The following PACRG variants were observed in gnomAD, a reference collection of about 807,000 sequenced individuals.
The protein encoded by PACRG is parkin coregulated, also known as parkin coregulated gene protein.
A neutral mutation model predicts 29.7 loss-of-function variants in PACRG; 29 were observed. The observed-to-expected ratio is 0.98, with a 90% CI of 0.73 to 1.33. The LOEUF (loss-of-function observed/expected upper bound fraction) is 1.33, where lower values mean the gene tolerates loss of function less well. PACRG is among the 40% of genes most tolerant of loss of function. The pLI, the probability that PACRG is intolerant of heterozygous loss-of-function variation, is 0.00. For synonymous variants in PACRG, 116 were observed against 118.7 expected, an observed-to-expected ratio of 0.98 and a Z score of 0.15; for missense variants, 279 against 316.2, an observed-to-expected ratio of 0.88 and a Z score of 0.89.
At chr6:163,079,890 C>CTTTTTTTTTTTTTTTTTTTTT in intron 3 of PACRG, among the ~76,000 whole-genome samples, 1 of 78,678 alleles carries the variant, frequency 1.3e-5, no homozygotes, top group Non-Finnish European at 2.2e-5. Context: ...AGCAGTCATT[C>CTTTTTTTTTTTTTTTTTTTTT]TTTTTTTTTT....
At chr6:163,220,091 GC>G (rs1442509424) in intron 4 of PACRG, among the ~76,000 whole-genome samples, 2 of 152,140 alleles carry the variant, frequency 1.3e-5, no homozygotes, top group African/African-American at 2.4e-5. Context: ...AAGCAAGGAT[GC>G]CGTCTTTTCA....
chr6:163,160,825 T>A (rs75073416), intron 4 of PACRG, among the ~76,000 whole-genome samples: 10,336 of 152,224 alleles, frequency 0.068, 485 homozygotes, highest in Middle Eastern at 0.1. Flanking sequence ...CAAAACCCTC[T>A]CTTCTTGGAG....
chr6:163,205,313 CTA>C (rs1469919338), intron 4 of PACRG, among the ~76,000 whole-genome samples: 1 of 152,150 alleles, frequency 6.6e-6, no homozygotes, highest in Non-Finnish European at 1.5e-5. Context: ...CAACTTCAAA[CTA>C]TATGACAAGG....
intron 2 of PACRG, among the ~76,000 whole-genome samples, chr6:162,831,491 C>A (rs1289951684): frequency 1.3e-5 from 2 of 152,072 alleles, no homozygotes; most frequent in Non-Finnish European, 2.9e-5. Flanking sequence ...TATTTTGTTT[C>A]TTTGATTAAA....
chr6:163,307,474 C>T (rs1052189545), intron 4 of PACRG, among the ~76,000 whole-genome samples: 11 of 152,286 alleles, frequency 7.2e-5, no homozygotes, highest in East Asian at 1.9e-4. Flanking sequence ...TGCCAGATGC[C>T]GTGGTTATTG....
rs1374682628 is a variant in PACRG at position 162,858,873 on chromosome 6, A to C, written c.291+44592A>C. Among the ~76,000 whole-genome samples, 4 of 152,206 alleles carry C rather than the reference A, an allele frequency of 2.6e-5. No individual in the cohort carries two copies. The East Asian group carries it at 5.8e-4, about 22-fold the overall frequency. On this transcript the variant is annotated intron_variant, in intron 2 of 4. Coordinates refer to ENST00000366888, the MANE Select transcript of PACRG (RefSeq NM_001080379.2). ...TCAAAGAGTGGCCTTCCCTGCGGTC[A>C]TGGCCTGTTTCAGGGAAGAAGGGGT...
intron 1 of PACRG, among the ~76,000 whole-genome samples, chr6:162,804,558 G>A (rs1444222830): frequency 1.3e-5 from 2 of 152,144 alleles, no homozygotes; most frequent in Non-Finnish European, 2.9e-5. Flanking sequence ...AATGAACACA[G>A]TATGAGGGGT....
intron 2 of PACRG, among the ~76,000 whole-genome samples, chr6:163,035,192 A>G (rs1157896924): frequency 6.6e-6 from 1 of 151,910 alleles, no homozygotes; most frequent in Non-Finnish European, 1.5e-5. Context: ...TCTTGTGTTG[A>G]CCTTCTATCT....
At chr6:163,144,859 A>G (rs925685466) in intron 4 of PACRG, among the ~76,000 whole-genome samples, 2 of 152,214 alleles carry the variant, frequency 1.3e-5, no homozygotes, top group African/African-American at 4.8e-5. Flanking sequence ...TCAGGTACAG[A>G]TGTAAAGTCT....
intron 2 of PACRG, among the ~76,000 whole-genome samples, chr6:163,004,597 C>T (rs1217560915): frequency 2.0e-5 from 3 of 151,814 alleles, no homozygotes; most frequent in African/African-American, 7.3e-5. Flanking sequence ...CACCTGATCT[C>T]TCCCTTGACA....
At chr6:163,014,605 T>C (rs1164092898) in intron 2 of PACRG, among the ~76,000 whole-genome samples, 1 of 152,108 alleles carries the variant, frequency 6.6e-6, no homozygotes, top group African/African-American at 2.4e-5. Flanking sequence ...CTCTAATAAT[T>C]ACTGACATGA....
intron 2 of PACRG, among the ~76,000 whole-genome samples, chr6:162,854,186 A>G (rs1479210592): frequency 5.0e-5 from 7 of 141,296 alleles, no homozygotes; most frequent in African/African-American, 1.9e-4. Flanking sequence ...TTTTTAATTG[A>G]ATGATTTTGT....
chr6:162,871,378 A>G lies in PACRG; in HGVS notation c.291+57097A>G, dbSNP rs537208728. Reference sequence around the variant, plus strand: ...GGTCTTACAGAAATGTAAAGGGTTGATACTATTCTGAGTGCATATAAAACT... The same window carrying G: ...GGTCTTACAGAAATGTAAAGGGTTGGTACTATTCTGAGTGCATATAAAACT... On this transcript the variant is annotated intron_variant, in intron 2 of 4. Transcript: ENST00000366888. Among the ~76,000 whole-genome samples, 11 of 152,364 alleles carry G rather than the reference A, an allele frequency of 7.2e-5. No individual in the cohort carries two copies. In the South Asian group the frequency reaches 2.3e-3, roughly 32 times the overall value.
intron 2 of PACRG, among the ~76,000 whole-genome samples, chr6:162,978,901 A>C (rs1802177445): frequency 6.6e-6 from 1 of 152,172 alleles, no homozygotes. Context: ...TCCTTAGAAG[A>C]ATTGGATGAA....
intron 4 of PACRG, among the ~76,000 whole-genome samples, chr6:163,210,276 T>G (rs186707665): frequency 6.6e-6 from 1 of 152,360 alleles, no homozygotes; most frequent in Non-Finnish European, 1.5e-5. Flanking sequence ...TTTATAGAAC[T>G]ATCAAAGTTT....
chr6:162,789,445 A>G (rs1031305582), intron 1 of PACRG, among the ~76,000 whole-genome samples: 1 of 152,180 alleles, frequency 6.6e-6, no homozygotes, highest in Admixed American at 6.5e-5. Flanking sequence ...TTTATAGGGA[A>G]CTAACAACTC....
At chr6:163,127,798 T>C (rs747247431) in intron 4 of PACRG, among the ~76,000 whole-genome samples, 1 of 152,244 alleles carries the variant, frequency 6.6e-6, no homozygotes, top group Non-Finnish European at 1.5e-5. Context: ...CCACACATGC[T>C]TGTAGCTCAG....
At chr6:162,741,449 T>G (rs1458752268) in intron 1 of PACRG, among the ~76,000 whole-genome samples, 1 of 152,170 alleles carries the variant, frequency 6.6e-6, no homozygotes, top group Non-Finnish European at 1.5e-5. Context: ...TGCTTGCAGA[T>G]AGCCACCTTC....
intron 4 of PACRG, among the ~76,000 whole-genome samples, chr6:163,159,110 A>C (rs1443716331): frequency 6.6e-6 from 1 of 152,164 alleles, no homozygotes; most frequent in Non-Finnish European, 1.5e-5. Context: ...GGCAACTTAG[A>C]GAACTTCTCT....
Sources: gnomAD v4.1 joint callset for allele counts (sites outside exome capture counted in the v4.1 genomes callset) on GRCh38, gnomAD v4.1.1 for gene constraint, MANE v1.5 for transcripts, NCBI Gene and HGNC (gene_info 2026-07-23, HGNC 2026-07-21) for gene names.